RBM47: variants seen among roughly 807,000 people sequenced by gnomAD.
RBM47 encodes the protein RNA-binding protein 47.
RBM47 carries 21 observed loss-of-function variants against 47.1 expected under a neutral mutation model. The observed-to-expected ratio is 0.45, with a 90% CI of 0.32 to 0.64. RBM47 has a LOEUF of 0.64. Ranked by LOEUF, RBM47 falls within the 30% of genes least tolerant of loss-of-function variation. The pLI, the probability that RBM47 is intolerant of heterozygous loss-of-function variation, is 0.05. For synonymous variants in RBM47, 375 were observed against 361.7 expected (o/e 1.04, Z -0.42); for missense variants, 708 against 870.9 (o/e 0.81, Z 2.35).
At chr4:40,465,587 G>A (rs547481731) in intron 3 of RBM47, among the ~76,000 whole-genome samples, 3 of 152,068 alleles carry the variant, frequency 2.0e-5, no homozygotes, top group Non-Finnish European at 4.4e-5. Context: ...GCTGAAGCAG[G>A]AGAATTGCTC....
intron 2 of RBM47, among the ~76,000 whole-genome samples, chr4:40,488,849 G>A (rs1207535912): frequency 6.6e-6 from 1 of 152,144 alleles, no homozygotes; most frequent in African/African-American, 2.4e-5. Context: ...CTTCACATAT[G>A]CTATTTCATT....
intron 1 of RBM47, among the ~76,000 whole-genome samples, chr4:40,619,320 T>C (rs1737043316): frequency 6.6e-6 from 1 of 151,918 alleles, no homozygotes; most frequent in Admixed American, 6.6e-5. Context: ...CCCAGCTTCT[T>C]GGGAGGCTGA....
At chr4:40,536,718 T>TG (rs59718734) in intron 2 of RBM47, among the ~76,000 whole-genome samples, 2,937 of 148,458 alleles carry the variant, frequency 0.02, 102 homozygotes, top group African/African-American at 0.071. Context: ...TGTGTGTGTG[T>TG]TTTTGTTTTT....
At chr4:40,495,429 C>G (rs1048165412) in intron 2 of RBM47, among the ~76,000 whole-genome samples, 6 of 151,986 alleles carry the variant, frequency 3.9e-5, no homozygotes, top group Non-Finnish European at 4.4e-5. Flanking sequence ...TGGTGAAACC[C>G]CATCTCTGTT....
intron 6 of RBM47, among the ~76,000 whole-genome samples, chr4:40,431,233 A>G (rs1715942074): frequency 6.6e-6 from 1 of 152,192 alleles, no homozygotes; most frequent in Non-Finnish European, 1.5e-5. Context: ...TGTCCTCCCT[A>G]TGTCCTATAA....
At chr4:40,625,761 G>T (rs890957559) in intron 1 of RBM47, among the ~76,000 whole-genome samples, 3 of 152,152 alleles carry the variant, frequency 2.0e-5, no homozygotes, top group Non-Finnish European at 4.4e-5. Context: ...GACAAATATC[G>T]TGATTTGGGG....
chr4:40,561,201 C>A lies in RBM47; in HGVS notation c.-239-16695G>T, dbSNP rs78802757. On this transcript the variant is annotated intron_variant, in intron 1 of 6. Transcript: ENST00000295971. The stretch of plus-strand genomic sequence containing the variant: ...AGGCAGGATGGGACTTAAATCTTAG[C>A]CTTTCTGGGACTATTTTTCCATTGT... Among the ~76,000 whole-genome samples the A allele has an allele frequency of 5.5e-3, 833 of 151,006 alleles. 6 individuals carry two copies. Among genetic ancestry groups the A allele is most frequent in the African/African-American group, 0.02 (804 of 41,006 alleles).
At chr4:40,530,666 T>A (rs550309044) in intron 2 of RBM47, among the ~76,000 whole-genome samples, 2 of 152,244 alleles carry the variant, frequency 1.3e-5, no homozygotes, top group Admixed American at 6.5e-5. Context: ...GTACTGGACA[T>A]CACAGGTCTA....
chr4:40,494,353 A>C (rs1430114961), intron 2 of RBM47, among the ~76,000 whole-genome samples: 3 of 152,216 alleles, frequency 2.0e-5, no homozygotes, highest in Non-Finnish European at 4.4e-5. Flanking sequence ...CTAGGACTAG[A>C]TATTTAGAAA....
chr4:40,514,794 G>A (rs937116550), intron 2 of RBM47: 1 of 152,246 alleles, frequency 6.6e-6, no homozygotes, highest in Non-Finnish European at 1.5e-5. Flanking sequence ...CAGGTGGTGG[G>A]GGCGGAGTTG....
intron 1 of RBM47, among the ~76,000 whole-genome samples, chr4:40,561,544 C>CTTTTCTTTTTTTT (rs1560470026): frequency 2.4e-5 from 3 of 124,576 alleles, no homozygotes; most frequent in African/African-American, 6.8e-5. Flanking sequence ...TTCTTCTTTT[C>CTTTTCTTTTTTTT]TTTTTTTTTT....
At position 40,437,984 on chromosome 4, in the gene RBM47, T is replaced by C. The variant is rs1457668219; in HGVS notation, c.910A>G (p.Thr304Ala). The C allele has an allele frequency of 1.5e-5, 24 of 1,613,446 alleles. No individual in the cohort carries two copies. The highest frequency in any genetic ancestry group is 2.0e-5 in the Non-Finnish European group (24 of 1,180,004). Residue 304 changes from threonine to alanine, a missense_variant, in exon 4 of 7, where the codon ACT becomes GCT. Physicochemically the swap from Thr to Ala is moderately conservative, Grantham distance 58. Transcript: ENST00000295971. ...AVHAMNNLNGTELEGSCLEVT... is the reference protein window; with the variant it reads ...AVHAMNNLNGAELEGSCLEVT... Reference sequence around the variant, plus strand: ...TCCAGGCACGAGCCCTCCAGCTCAGTGCCGTTGAGGTTGTTCATGGCATGC... The same window carrying C: ...TCCAGGCACGAGCCCTCCAGCTCAGCGCCGTTGAGGTTGTTCATGGCATGC...
chr4:40,533,797 C>G (rs1315943222), intron 2 of RBM47, among the ~76,000 whole-genome samples: 1 of 151,754 alleles, frequency 6.6e-6, no homozygotes, highest in Non-Finnish European at 1.5e-5. Context: ...ACTACAGGTG[C>G]GTGCCACCAT....
At chr4:40,610,610 C>CAAA (rs34149753) in intron 1 of RBM47, among the ~76,000 whole-genome samples, 14 of 52,696 alleles carry the variant, frequency 2.7e-4, no homozygotes, top group Non-Finnish European at 3.0e-4. Flanking sequence ...GACTCCATCT[C>CAAA]AAAAAAAAAA....
chr4:40,456,870 A>T (rs1438125594), intron 3 of RBM47, among the ~76,000 whole-genome samples: 13 of 151,636 alleles, frequency 8.6e-5, no homozygotes, highest in Admixed American at 8.5e-4. Flanking sequence ...AAGTGCTGGG[A>T]TTAAAGGCGT....
chr4:40,466,999 G>A (rs1053960820), intron 2 of RBM47, among the ~76,000 whole-genome samples: 1 of 152,130 alleles, frequency 6.6e-6, no homozygotes, highest in Non-Finnish European at 1.5e-5. Flanking sequence ...GAGTGTGCAT[G>A]ACTTCAAGAT....
At chr4:40,488,153 C>T (rs1279062399) in intron 2 of RBM47, among the ~76,000 whole-genome samples, 2 of 152,000 alleles carry the variant, frequency 1.3e-5, no homozygotes, top group Non-Finnish European at 2.9e-5. Flanking sequence ...GAAACCCAGC[C>T]TCTACTACAA....
chr4:40,596,450 A>G (rs535697714), intron 1 of RBM47, among the ~76,000 whole-genome samples: 3 of 152,296 alleles, frequency 2.0e-5, no homozygotes, highest in East Asian at 3.9e-4. Context: ...GTGTGTGCCT[A>G]TGCTACACAA....
chr4:40,496,965 T>C (rs1381803025), intron 2 of RBM47, among the ~76,000 whole-genome samples: 1 of 144,746 alleles, frequency 6.9e-6, no homozygotes, highest in African/African-American at 2.6e-5. Flanking sequence ...CACTTGAACC[T>C]GGGAGGCGGA....
Sources: gnomAD v4.1 joint callset for allele counts (sites outside exome capture counted in the v4.1 genomes callset) on GRCh38, gnomAD v4.1.1 for gene constraint, MANE v1.5 for transcripts, NCBI Gene and HGNC (gene_info 2026-07-23, HGNC 2026-07-21) for gene names.